The following SIL1 variants were observed in gnomAD, a reference collection of about 807,000 sequenced individuals.
SIL1 encodes SIL1 nucleotide exchange factor, also known as nucleotide exchange factor SIL1.
A neutral mutation model predicts 49.1 loss-of-function variants in SIL1; 40 were observed. The ratio of observed to expected loss-of-function variants is 0.81; its 90% CI spans 0.63 to 1.06. The LOEUF is 1.06. Among genes scored for constraint, SIL1 ranks in the 50% least tolerant of loss-of-function variants. SIL1 has a pLI of 0.00. For missense variants in SIL1, 500 were observed against 572.6 expected (o/e 0.87, Z 1.29); for synonymous variants, 253 against 250.8 (o/e 1.01, Z -0.08).
At chr5:139,175,892 G>A (rs760367938) in intron 1 of SIL1, among the ~76,000 whole-genome samples, 82 of 152,320 alleles carry the variant, frequency 5.4e-4, no homozygotes, top group Admixed American at 1.7e-3. Flanking sequence ...GAACCCGGGA[G>A]GTGGAGGTTG....
At chr5:138,949,838 AAAG>A (rs1250505157) in intron 9 of SIL1, among the ~76,000 whole-genome samples, 5 of 151,912 alleles carry the variant, frequency 3.3e-5, no homozygotes, top group East Asian at 1.9e-4. Flanking sequence ...AGAAAAGAAA[AAAG>A]AAAAAAGAAA....
At chr5:138,959,632 G>T (rs1766975121) in intron 7 of SIL1, among the ~76,000 whole-genome samples, 1 of 152,200 alleles carries the variant, frequency 6.6e-6, no homozygotes, top group Non-Finnish European at 1.5e-5. Flanking sequence ...GGCCTCACGG[G>T]ATTCTGCAGT....
intron 7 of SIL1, among the ~76,000 whole-genome samples, chr5:138,991,016 C>T (rs1049381830): frequency 6.6e-6 from 1 of 152,246 alleles, no homozygotes; most frequent in South Asian, 2.1e-4. Flanking sequence ...ATGCCCCACC[C>T]CCAGCCGGCT....
chr5:139,071,231 A>C (rs1769827736), intron 3 of SIL1, among the ~76,000 whole-genome samples: 3 of 151,316 alleles, frequency 2.0e-5, no homozygotes, highest in Non-Finnish European at 2.9e-5. Context: ...GGGGTGGGGA[A>C]TAGATAGGTA....
intron 1 of SIL1, among the ~76,000 whole-genome samples, chr5:139,196,741 T>A (rs1249388421): frequency 6.6e-6 from 1 of 152,150 alleles, no homozygotes; most frequent in Non-Finnish European, 1.5e-5. Flanking sequence ...ATAAATGTGG[T>A]GTGGTAACAC....
chr5:139,026,052 CT>C (rs933332669), intron 6 of SIL1, among the ~76,000 whole-genome samples: 7 of 152,170 alleles, frequency 4.6e-5, no homozygotes, highest in African/African-American at 1.7e-4. Context: ...AACGCTTGGC[CT>C]AAATGTCACA....
chr5:139,151,625 G>A (rs914264618), intron 1 of SIL1, among the ~76,000 whole-genome samples: 1 of 152,176 alleles, frequency 6.6e-6, no homozygotes, highest in African/African-American at 2.4e-5. Context: ...GGTACAAGGG[G>A]AAAACACAGA....
At chr5:138,997,366 C>T (rs575817975) in intron 7 of SIL1, among the ~76,000 whole-genome samples, 10 of 152,230 alleles carry the variant, frequency 6.6e-5, no homozygotes, top group Admixed American at 3.9e-4. Flanking sequence ...TCCGGTTTTC[C>T]CAGCACCATT....
At chr5:139,185,073 G>T (rs1752055709) in intron 1 of SIL1, among the ~76,000 whole-genome samples, 1 of 152,186 alleles carries the variant, frequency 6.6e-6, no homozygotes, top group African/African-American at 2.4e-5. Flanking sequence ...CCCAGCCAGG[G>T]CCACTGCTTG....
chr5:139,094,777 T>C (rs369340422), intron 3 of SIL1, among the ~76,000 whole-genome samples: 15 of 152,240 alleles, frequency 9.9e-5, no homozygotes, highest in African/African-American at 2.9e-4. Flanking sequence ...TTCACTAGTT[T>C]TTCCATGAAT....
chr5:139,183,075 C>T (rs1309357517), intron 1 of SIL1, among the ~76,000 whole-genome samples: 1 of 152,156 alleles, frequency 6.6e-6, no homozygotes, highest in Non-Finnish European at 1.5e-5. Context: ...GGAACTGAAA[C>T]CTGGATGAAC....
At chr5:138,979,801 A>G (rs112324516) in intron 7 of SIL1, among the ~76,000 whole-genome samples, 1,619 of 152,334 alleles carry the variant, frequency 0.011, 29 homozygotes, top group African/African-American at 0.037. Flanking sequence ...TTCTGTCTAG[A>G]GGAGCTGTAA....
chr5:139,184,517 T>A (rs2151820987), intron 1 of SIL1, among the ~76,000 whole-genome samples: 1 of 152,010 alleles, frequency 6.6e-6, no homozygotes, highest in South Asian at 2.1e-4. Context: ...TACAAAAAAA[T>A]TTTAAAAAAT....
intron 3 of SIL1, among the ~76,000 whole-genome samples, chr5:139,077,914 T>C (rs1309160564): frequency 1.3e-5 from 2 of 152,180 alleles, no homozygotes; most frequent in Non-Finnish European, 2.9e-5. Context: ...TATACATGAT[T>C]GTGCTTCCTC....
intron 7 of SIL1, among the ~76,000 whole-genome samples, chr5:139,008,634 T>A (rs1408099533): frequency 6.8e-6 from 1 of 147,928 alleles, no homozygotes; most frequent in Non-Finnish European, 1.5e-5. Flanking sequence ...CTGCTTTGAA[T>A]GCGTCCCAGA....
intron 1 of SIL1, among the ~76,000 whole-genome samples, chr5:139,152,260 C>G (rs567387138): frequency 4.6e-5 from 7 of 152,216 alleles, no homozygotes; most frequent in Non-Finnish European, 7.3e-5. Context: ...AATGCAACGT[C>G]AAAGTATCCT....
chr5:139,036,010 G>C (rs897817776), intron 5 of SIL1: 5 of 152,084 alleles, frequency 3.3e-5, no homozygotes, highest in Non-Finnish European at 4.4e-5. Flanking sequence ...TTGTAATGGG[G>C]TTGTTTTTTT....
At chr5:139,016,055 G>A (rs1768391279) in intron 7 of SIL1, among the ~76,000 whole-genome samples, 1 of 151,996 alleles carries the variant, frequency 6.6e-6, no homozygotes, top group Non-Finnish European at 1.5e-5. Flanking sequence ...CCTGTGAAGA[G>A]CCCCTGCACT....
In SIL1 at chr5:139,173,819, C is replaced by T. The variant is rs993331421; in HGVS notation, c.-11+24450G>A. On this transcript the variant is annotated intron_variant, in intron 1 of 9. Transcript: ENST00000394817. ...AAAAAAAAAAAAAAAATTAGCCGGG[C>T]GTGGTGGCAGGTGCCTGTAGTCCCA... Among the ~76,000 whole-genome samples, 43 of 141,412 alleles carry T rather than the reference C, an allele frequency of 3.0e-4. No individual in the cohort carries two copies. In the Middle Eastern group the frequency reaches 0.013, roughly 41 times the overall value. 92.8% of individuals were successfully genotyped at this position (141,412 alleles called of 152,430 possible).
Sources: allele counts gnomAD v4.1 joint callset (sites outside exome capture counted in the v4.1 genomes callset), GRCh38; gene constraint gnomAD v4.1.1; transcripts MANE v1.5; gene names NCBI Gene and HGNC (gene_info 2026-07-23, HGNC 2026-07-21).